Variants in PPARGC1B observed in about 807,000 individuals in gnomAD.
PPARGC1B encodes the protein peroxisome proliferator-activated receptor gamma coactivator 1-beta.
PPARGC1B carries 34 observed loss-of-function variants against 101.6 expected under a neutral mutation model. That is an observed-to-expected ratio of 0.33 (90% CI 0.25 to 0.45). The LOEUF (loss-of-function observed/expected upper bound fraction) is 0.45, where lower values mean the gene tolerates loss of function less well. Among genes scored for constraint, PPARGC1B ranks in the 20% least tolerant of loss-of-function variants. PPARGC1B has a pLI of 1.00. For synonymous variants in PPARGC1B, 548 were observed against 539.3 expected (o/e 1.02, Z -0.22); for missense variants, 1,234 against 1,317.6 (o/e 0.94, Z 0.98).
intron 1 of PPARGC1B, among the ~76,000 whole-genome samples, chr5:149,764,168 G>A (rs1257581430): frequency 6.6e-6 from 1 of 150,700 alleles, no homozygotes. Context: ...TATATAGATA[G>A]AGAAACTGAG....
intron 3 of PPARGC1B, among the ~76,000 whole-genome samples, chr5:149,829,350 GA>G (rs1758651175): frequency 6.6e-6 from 1 of 152,170 alleles, no homozygotes; most frequent in African/African-American, 2.4e-5. Context: ...CCAGTCCTAG[GA>G]TCATTTCCCA....
chr5:149,764,633 C>T (rs947280759), intron 1 of PPARGC1B, among the ~76,000 whole-genome samples: 4 of 152,154 alleles, frequency 2.6e-5, no homozygotes, highest in African/African-American at 9.7e-5. Flanking sequence ...TGAGTTAACT[C>T]GGAGTCTTTT....
intron 1 of PPARGC1B, among the ~76,000 whole-genome samples, chr5:149,761,251 G>GTGTGTA (rs1755706603): frequency 6.6e-6 from 1 of 152,174 alleles, no homozygotes; most frequent in Non-Finnish European, 1.5e-5. Flanking sequence ...GTGTGTGCTT[G>GTGTGTA]TGTGTATGTG....
At chr5:149,791,734 A>G (rs994350813) in intron 1 of PPARGC1B, among the ~76,000 whole-genome samples, 1 of 152,162 alleles carries the variant, frequency 6.6e-6, no homozygotes, top group Non-Finnish European at 1.5e-5. Context: ...TCCTTGAGTA[A>G]AGGAGACAGT....
chr5:149,737,221 A>G (rs956737607), intron 1 of PPARGC1B, among the ~76,000 whole-genome samples: 1 of 152,128 alleles, frequency 6.6e-6, no homozygotes, highest in South Asian at 2.1e-4. Context: ...AGGTTCCTCC[A>G]TGACTTTCAT....
intron 1 of PPARGC1B, among the ~76,000 whole-genome samples, chr5:149,790,087 T>C (rs1756956877): frequency 6.6e-6 from 1 of 152,160 alleles, no homozygotes; most frequent in South Asian, 2.1e-4. Flanking sequence ...TCCTTGTCTA[T>C]AAATAGAGAT....
intron 2 of PPARGC1B, among the ~76,000 whole-genome samples, chr5:149,825,675 C>T (rs1016976153): frequency 7.2e-5 from 11 of 152,214 alleles, no homozygotes; most frequent in African/African-American, 2.7e-4. Context: ...TCCCATCCTC[C>T]ACAGGAGGGT....
At chr5:149,800,675 G>A (rs1757402188) in intron 1 of PPARGC1B, among the ~76,000 whole-genome samples, 1 of 152,248 alleles carries the variant, frequency 6.6e-6, no homozygotes, top group Non-Finnish European at 1.5e-5. Flanking sequence ...GTTGTCATGT[G>A]ACAGATGGGG....
rs555578717 is a variant in PPARGC1B at position 149,808,434 on chromosome 5, CAGCAACTG to C, written c.79-11997_79-11990del. Among the ~76,000 whole-genome samples the C allele has an allele frequency of 2.6e-4, 40 of 152,156 alleles. No homozygotes were observed. The South Asian group carries it at 8.1e-3, about 31-fold the overall frequency. On this transcript the variant is annotated intron_variant, in intron 1 of 11. Transcript: ENST00000309241. The stretch of plus-strand genomic sequence containing the variant: ...GCAGTCTATTTTTGTGCCTGCCCTT[CAGCAACTG>C]ATAAAATGTTGCTCTCGGTAGAGCT...
chr5:149,741,378 G>A (rs1561847474), intron 1 of PPARGC1B, among the ~76,000 whole-genome samples: 1 of 152,170 alleles, frequency 6.6e-6, no homozygotes, highest in Non-Finnish European at 1.5e-5. Context: ...AGAACACTGG[G>A]GAGGGCCCTG....
intron 1 of PPARGC1B, among the ~76,000 whole-genome samples, chr5:149,743,171 T>G (rs1205241493): frequency 2.0e-5 from 3 of 151,182 alleles, no homozygotes; most frequent in Admixed American, 6.6e-5. Flanking sequence ...TTTTTTTTTT[T>G]TTGAGACAGA....
chr5:149,835,958 C>CT (rs1202446844), intron 7 of PPARGC1B, among the ~76,000 whole-genome samples: 15,237 of 127,960 alleles, frequency 0.12, 938 homozygotes, highest in Admixed American at 0.16. Context: ...TTTTTTTTTT[C>CT]TTTTTTTTTT....
At chr5:149,744,908 C>CTTT (rs34363116) in intron 1 of PPARGC1B, among the ~76,000 whole-genome samples, 11 of 132,888 alleles carry the variant, frequency 8.3e-5, no homozygotes, top group Admixed American at 1.5e-4. Context: ...AGCTTTGTGA[C>CTTT]TTTTTTTTTT....
At chr5:149,741,960 G>A (rs1241388624) in intron 1 of PPARGC1B, among the ~76,000 whole-genome samples, 1 of 152,022 alleles carries the variant, frequency 6.6e-6, no homozygotes. Flanking sequence ...CATGAACCCT[G>A]GTGTTAAAGG....
chr5:149,816,931 C>T (rs947670588), intron 1 of PPARGC1B, among the ~76,000 whole-genome samples: 2 of 152,338 alleles, frequency 1.3e-5, no homozygotes, highest in Middle Eastern at 3.4e-3. Flanking sequence ...GCTGGTCCTA[C>T]CCCCATCACA....
chr5:149,810,759 C>T (rs1403996068), intron 1 of PPARGC1B, among the ~76,000 whole-genome samples: 3 of 152,140 alleles, frequency 2.0e-5, no homozygotes, highest in Non-Finnish European at 2.9e-5. Context: ...GTTTGTGTTC[C>T]GGCCCTGGGA....
At chr5:149,812,880 A>G (rs1013930065) in intron 1 of PPARGC1B, among the ~76,000 whole-genome samples, 1 of 152,200 alleles carries the variant, frequency 6.6e-6, no homozygotes, top group Non-Finnish European at 1.5e-5. Context: ...TTCCCAGAGG[A>G]AACTCGGTGG....
intron 1 of PPARGC1B, among the ~76,000 whole-genome samples, chr5:149,757,179 G>C (rs2113141128): frequency 6.6e-6 from 1 of 152,298 alleles, no homozygotes; most frequent in South Asian, 2.1e-4. Flanking sequence ...GCTGAAGCTG[G>C]AGAATCAGAA....
chr5:149,792,840 C>A (rs1392825828), intron 1 of PPARGC1B, among the ~76,000 whole-genome samples: 1 of 152,084 alleles, frequency 6.6e-6, no homozygotes, highest in Non-Finnish European at 1.5e-5. Flanking sequence ...TATAAATCCC[C>A]ACAAAGAGGA....
Sources: allele counts gnomAD v4.1 joint callset (sites outside exome capture counted in the v4.1 genomes callset), GRCh38; gene constraint gnomAD v4.1.1; transcripts MANE v1.5; gene names NCBI Gene and HGNC (gene_info 2026-07-23, HGNC 2026-07-21).